Variants in RBPJ observed in about 807,000 individuals in gnomAD.
RBPJ encodes recombination signal binding protein for immunoglobulin kappa J region.
A neutral mutation model predicts 67.8 loss-of-function variants in RBPJ; 9 were observed. The observed-to-expected ratio is 0.13, with a 90% CI of 0.08 to 0.23. RBPJ has a LOEUF of 0.23. Ranked by LOEUF, RBPJ falls within the 10% of genes least tolerant of loss-of-function variation. RBPJ has a pLI of 1.00. For synonymous variants in RBPJ, 198 were observed against 203.3 expected (o/e 0.97, Z 0.22); for missense variants, 305 against 595.6 (o/e 0.51, Z 5.08).
At chr4:26,336,317 T>C (rs938078750) in intron 1 of RBPJ, among the ~76,000 whole-genome samples, 1 of 152,156 alleles carries the variant, frequency 6.6e-6, no homozygotes, top group African/African-American at 2.4e-5. Flanking sequence ...TGGTTACTAT[T>C]TCTATGAAAG....
upstream of RBPJ, among the ~76,000 whole-genome samples, chr4:26,161,817 A>T (rs1195836593): frequency 6.6e-6 from 1 of 152,142 alleles, no homozygotes; most frequent in African/African-American, 2.4e-5. Flanking sequence ...TGTGGTAGGG[A>T]GGAGGGGGCA....
At chr4:26,295,849 ACT>A (rs948937917) in intron 1 of RBPJ, among the ~76,000 whole-genome samples, 1 of 151,990 alleles carries the variant, frequency 6.6e-6, no homozygotes, top group African/African-American at 2.4e-5. Flanking sequence ...TGCTGAATCC[ACT>A]CTCAGATTTT....
the RBPJ span, among the ~76,000 whole-genome samples, chr4:26,110,526 A>G: frequency 1.3e-5 from 2 of 152,240 alleles, no homozygotes; most frequent in African/African-American, 4.8e-5. This position sits in a 1 kb window ranked among gnomAD's most constrained non-coding sequence, Gnocchi z 4.5. Flanking sequence ...CCTGTCCATC[A>G]GGATAAGTGG....
intron 4 of RBPJ, among the ~76,000 whole-genome samples, chr4:26,416,229 G>T (rs780111483): frequency 1.2e-4 from 19 of 152,054 alleles, no homozygotes; most frequent in Non-Finnish European, 2.4e-4. Context: ...TGATTATATT[G>T]TATGAATTTA....
the RBPJ span, among the ~76,000 whole-genome samples, chr4:26,125,797 TC>T: frequency 7.6e-6 from 1 of 132,064 alleles, no homozygotes; most frequent in African/African-American, 2.9e-5. Flanking sequence ...AGACTCCATT[TC>T]AAAAAAAAAA....
At chr4:26,268,528 T>A (rs1243724343) in intron 1 of RBPJ, among the ~76,000 whole-genome samples, 4 of 152,206 alleles carry the variant, frequency 2.6e-5, no homozygotes, top group Non-Finnish European at 4.4e-5. Flanking sequence ...TGAAATGAAA[T>A]GTGCATCTTC....
chr4:26,289,764 G>A (rs1351729083), intron 1 of RBPJ, among the ~76,000 whole-genome samples: 1 of 150,570 alleles, frequency 6.6e-6, no homozygotes, highest in East Asian at 2.0e-4. Context: ...AGGAAAGGTG[G>A]CCCAGGTACC....
At chr4:26,406,116 A>G (rs1733379706) in intron 2 of RBPJ, 59 bp from the exon 3 acceptor site, 2 of 1,111,904 alleles carry the variant, frequency 1.8e-6, no homozygotes, top group Non-Finnish European at 2.8e-6. Flanking sequence ...CGTAGTAATG[A>G]TGAAAGATTT....
the RBPJ span, among the ~76,000 whole-genome samples, chr4:26,123,738 A>T: frequency 1.3e-5 from 2 of 152,150 alleles, no homozygotes; most frequent in Non-Finnish European, 2.9e-5. Context: ...CTTTGTTGTT[A>T]AAAACGAAGA....
rs1480189030 is a variant in RBPJ at position 26,386,403 on chromosome 4, A to G, written c.59+12A>G. 1 of 1,568,966 alleles carries G rather than the reference A, an allele frequency of 6.4e-7. No homozygotes were observed. Among genetic ancestry groups the G allele is most frequent in the Non-Finnish European group, 8.7e-7 (1 of 1,150,656 alleles). ...AAACGACTTACTAGGTGAGTATTAT[A>G]TTAGTCAGCTTTTTACACATACATT... On this transcript the variant is annotated intron_variant, in intron 2 of 10. Coordinates refer to ENST00000355476, the MANE Select transcript of RBPJ (RefSeq NM_015874.6).
chr4:26,421,659 T>C (rs1735149671), intron 5 of RBPJ, among the ~76,000 whole-genome samples: 1 of 152,168 alleles, frequency 6.6e-6, no homozygotes, highest in Non-Finnish European at 1.5e-5. Flanking sequence ...CAACAGGTTT[T>C]ATCAATTCTG....
At chr4:26,310,471 A>G (rs1342815350) in intron 1 of RBPJ, among the ~76,000 whole-genome samples, 1 of 152,180 alleles carries the variant, frequency 6.6e-6, no homozygotes, top group Non-Finnish European at 1.5e-5. Flanking sequence ...ACAATCTGAT[A>G]ACAAGAAACC....
chr4:26,331,487 GACT>G (rs1248481781), intron 1 of RBPJ, among the ~76,000 whole-genome samples: 1 of 151,822 alleles, frequency 6.6e-6, no homozygotes, highest in Non-Finnish European at 1.5e-5. Context: ...CATATGTGCA[GACT>G]TAGAGCAAGA....
intron 1 of RBPJ, among the ~76,000 whole-genome samples, chr4:26,190,562 G>A (rs1212528014): frequency 2.0e-5 from 3 of 152,198 alleles, no homozygotes; most frequent in Non-Finnish European, 4.4e-5. Flanking sequence ...TGGAAAGGGA[G>A]AACCTGCAGG....
chr4:26,266,153 ACTG>A (rs1170797625), intron 1 of RBPJ, among the ~76,000 whole-genome samples: 1 of 152,060 alleles, frequency 6.6e-6, no homozygotes, highest in Non-Finnish European at 1.5e-5. Flanking sequence ...TCCCTGGCAG[ACTG>A]TCCTGCCACA....
At chr4:26,373,654 GA>G (rs1041402835) in intron 1 of RBPJ, among the ~76,000 whole-genome samples, 9 of 152,120 alleles carry the variant, frequency 5.9e-5, no homozygotes, top group African/African-American at 9.6e-5. Context: ...TTTCAATTTA[GA>G]AAAAAAGCGT....
chr4:26,410,159 A>C (rs1327911106), intron 3 of RBPJ: 4 of 378,212 alleles, frequency 1.1e-5, no homozygotes, highest in Non-Finnish European at 2.1e-5. Flanking sequence ...CAGTGGGAAG[A>C]GGATCTGTCT....
intron 1 of RBPJ, among the ~76,000 whole-genome samples, chr4:26,202,050 C>G (rs1321223587): frequency 6.6e-6 from 1 of 152,178 alleles, no homozygotes; most frequent in Non-Finnish European, 1.5e-5. Context: ...TTGTCCTTCC[C>G]TTTTTCTGGC....
At chr4:26,403,390 A>T (rs544920266) in intron 2 of RBPJ, among the ~76,000 whole-genome samples, 147 of 152,268 alleles carry the variant, frequency 9.7e-4, no homozygotes, top group African/African-American at 3.2e-3. Context: ...AATTTTTTTT[A>T]AAAACTTTTA....
Sources: gnomAD v4.1 joint callset for allele counts (sites outside exome capture counted in the v4.1 genomes callset) on GRCh38, gnomAD v4.1.1 for gene constraint, Gnocchi (gnomAD v3.1) non-coding constraint, MANE v1.5 for transcripts, NCBI Gene and HGNC (gene_info 2026-07-23, HGNC 2026-07-21) for gene names.